CYC1: variants seen among roughly 807,000 people sequenced by gnomAD.
CYC1 encodes cytochrome c1, heme protein, mitochondrial.
CYC1 carries 10 observed loss-of-function variants against 33.8 expected under a neutral mutation model. That is an observed-to-expected ratio of 0.30 (90% CI 0.18 to 0.50). The LOEUF is 0.50. Ranked by LOEUF, CYC1 falls within the 20% of genes least tolerant of loss-of-function variation. CYC1 has a pLI of 0.98. For synonymous variants in CYC1, 224 were observed against 181.9 expected, an observed-to-expected ratio of 1.23 and a Z score of -1.86; for missense variants, 459 against 437.6, an observed-to-expected ratio of 1.05 and a Z score of -0.44.
rs569044083 is a variant in CYC1 at position 144,097,519 on chromosome 8, C to T, written c.*183C>T. ...CATCATGGGAATAAATTAATTTTCT[C>T]AATGTACATATTTGAGTTATTATAT... On this transcript the variant is annotated 3_prime_UTR_variant, in exon 7 of 7. Coordinates refer to ENST00000318911, the MANE Select transcript of CYC1 (RefSeq NM_001916.5). 1 of 594,050 alleles carries T rather than the reference C, an allele frequency of 1.7e-6. No individual in the cohort carries two copies. Among genetic ancestry groups the T allele is most frequent in the East Asian group, 2.8e-5 (1 of 35,686 alleles). The allele number at this position is 594,050 out of a possible 1,614,324, so 36.8% of individuals were successfully genotyped here.
chr8:144,097,353 C>T lies in CYC1; in HGVS notation c.*17C>T. The T allele has an allele frequency of 1.2e-6, 2 of 1,607,076 alleles. No individual in the cohort carries two copies. Among genetic ancestry groups the T allele is most frequent in the Non-Finnish European group, 1.7e-6 (2 of 1,174,444 alleles). On this transcript the variant is annotated 3_prime_UTR_variant, in exon 7 of 7. Transcript: ENST00000318911. ...CCCAAGTGACCCTGTCCAGTGTCTG[C>T]TTGCCATCCTGCCAGAACAGGCCCT...
In CYC1 at chr8:144,097,493, C is replaced by T; in HGVS notation, c.*157C>T. The T allele has an allele frequency of 1.6e-6, 1 of 609,260 alleles. No individual in the cohort carries two copies. 37.7% of individuals were successfully genotyped at this position (609,260 alleles called of 1,614,324 possible). A position where few individuals can be genotyped will look rare whatever the true frequency, so the allele number is the denominator to read the frequency against. On this transcript the variant is annotated 3_prime_UTR_variant, in exon 7 of 7. Transcript: ENST00000318911. ...CTAGCTCTGGGCCCTCCTTCAGCCC[C>T]CATCATGGGAATAAATTAATTTTCT...
chr8:144,095,544 A>T (rs1836132263), intron 1 of CYC1: 2 of 494,196 alleles, frequency 4.0e-6, no homozygotes, highest in Non-Finnish European at 7.1e-6. Context: ...CGCGTCCTGA[A>T]GTGACCCCAG....
intron 1 of CYC1, 109 bp from the exon 2 acceptor site, chr8:144,095,724 G>C: frequency 8.6e-7 from 1 of 1,164,976 alleles, no homozygotes; most frequent in Non-Finnish European, 1.2e-6. Flanking sequence ...TGTGCGTCTG[G>C]TGCCCTGCAG....
At position 144,095,170 on chromosome 8, in the gene CYC1, GT is replaced by G; in HGVS notation, c.72del (p.Ala25ProfsTer35). 8.3e-7 allele frequency: 1 copy of G among 1,209,286 alleles called. No homozygotes were observed. Among genetic ancestry groups the G allele is most frequent in the Non-Finnish European group, 1.0e-6 (1 of 972,836 alleles). The allele number at this position is 1,209,286 out of a possible 1,614,324, so 74.9% of individuals were successfully genotyped here. A position where few individuals can be genotyped will look rare whatever the true frequency, so the allele number is the denominator to read the frequency against. ...CGGGGCGCGGGGCTCCCGGGCGCGC[GT>G]GCCCGGGGTCTGCTGTGCAGCGCGC... ...GPRGAGLPGA[R>X]ARGLLCSARP... On this transcript the variant is annotated frameshift_variant, in exon 1 of 7. Transcript: ENST00000318911. LOFTEE classifies it high-confidence loss of function.
Position 144,097,505 on chromosome 8 carries a change from T to C in CYC1, c.*169T>C. 1.7e-6 allele frequency: 1 copy of C among 601,650 alleles called. No individual in the cohort carries two copies. The highest frequency in any genetic ancestry group is 2.0e-5 in the South Asian group (1 of 50,426). The allele number at this position is 601,650 out of a possible 1,614,324, so 37.3% of individuals were successfully genotyped here. Reference sequence around the variant, plus strand: ...CCTCCTTCAGCCCCCATCATGGGAATAAATTAATTTTCTCAATGTACATAT... The same window carrying C: ...CCTCCTTCAGCCCCCATCATGGGAACAAATTAATTTTCTCAATGTACATAT... On this transcript the variant is annotated 3_prime_UTR_variant, in exon 7 of 7. Coordinates refer to ENST00000318911, the MANE Select transcript of CYC1 (RefSeq NM_001916.5).
Position 144,096,254 on chromosome 8 carries a change from T to G in CYC1, c.453+4T>G, listed in dbSNP as rs1341075265. 2.5e-6 allele frequency: 4 copies of G among 1,613,414 alleles called. No individual in the cohort carries two copies. Among genetic ancestry groups the G allele is most frequent in the African/African-American group, 1.3e-5 (1 of 74,756 alleles). ...AGCTAAGGAGCTGGCTGCGGAGGTGTGGGGTCTGGGGATGCCTGGGACCCA... is the reference window on the plus strand; with the variant it reads ...AGCTAAGGAGCTGGCTGCGGAGGTGGGGGGTCTGGGGATGCCTGGGACCCA... On this transcript the variant is annotated splice_donor_region_variant and intron_variant, in intron 3 of 6. Transcript: ENST00000318911.
At position 144,095,910 on chromosome 8, in the gene CYC1, A is replaced by G; in HGVS notation, c.207A>G (p.Ala69=). 6.2e-7 allele frequency: 1 copy of G among 1,609,270 alleles called. No homozygotes were observed. Among genetic ancestry groups the G allele is most frequent in the Non-Finnish European group, 8.5e-7 (1 of 1,179,834 alleles). The change falls in exon 2 of 7, where the codon GCA becomes GCG. Residue 69 remains alanine, a synonymous_variant. Coordinates refer to ENST00000318911, the MANE Select transcript of CYC1 (RefSeq NM_001916.5). ...TGTCAGCGCTGGGCATGCTGGCGGC[A>G]GGGGGTGCGGGGCTGGCCATGGCTC... ...VMLSALGMLA[A]GGAGLAMALH...
rs758350634 is a variant in CYC1, at chr8:144,096,009, C to G, written c.306C>G (p.Leu102=). The G allele has an allele frequency of 2.5e-6, 4 of 1,605,082 alleles. No individual in the cohort carries two copies. The highest frequency in any genetic ancestry group is 2.2e-5 in the East Asian group (1 of 44,856). ...PSYPWSHRGL[L]SSLDHTSIRR... is the part of the protein sequence containing the mutation. ...ATCCGTGGTCTCACCGTGGCCTCCT[C>G]TCTTCCTTGGACCACACCAGGTGTG... The change falls in exon 2 of 7, where the codon CTC becomes CTG. Residue 102 remains leucine (L), a synonymous_variant. Coordinates refer to ENST00000318911, the MANE Select transcript of CYC1 (RefSeq NM_001916.5).
chr8:144,095,711 G>A lies in CYC1; in HGVS notation c.130-122G>A, dbSNP rs542595209. On this transcript the variant is annotated intron_variant, in intron 1 of 6. Transcript: ENST00000318911. ...GAGGGATGGGGTGGGTAGTGGGACAGGGTGTGCGTCTGGTGCCCTGCAGGA... is the reference window on the plus strand; with the variant it reads ...GAGGGATGGGGTGGGTAGTGGGACAAGGTGTGCGTCTGGTGCCCTGCAGGA... The A allele has an allele frequency of 2.3e-4, 228 of 1,000,128 alleles. 1 individual carries two copies. In the Middle Eastern group the frequency reaches 2.5e-3, roughly 11 times the overall value. 62.0% of individuals were successfully genotyped at this position (1,000,128 alleles called of 1,614,324 possible). A position where few individuals can be genotyped will look rare whatever the true frequency, so the allele number is the denominator to read the frequency against.
rs2230226 is a variant in CYC1 at position 144,095,962 on chromosome 8, C to G, written c.259C>G (p.Leu87Val). Residue 87 changes from leucine to valine, a missense_variant, in exon 2 of 7, where the codon CTG becomes GTG. Coordinates refer to ENST00000318911, the MANE Select transcript of CYC1 (RefSeq NM_001916.5). Reference protein sequence around the residue: ...ALHSAVSASDLELHPPSYPWS... With the variant: ...ALHSAVSASDVELHPPSYPWS... ...GCATTCGGCTGTGAGTGCCAGTGAC[C>G]TGGAGCTGCACCCCCCCAGCTATCC... 7.1e-5 allele frequency: 114 copies of G among 1,608,130 alleles called. No homozygotes were observed. The highest frequency in any genetic ancestry group is 9.5e-5 in the Non-Finnish European group (112 of 1,179,758).
At chr8:144,095,762 G>C (rs767222286) in intron 1 of CYC1, 71 bp from the exon 2 acceptor site, 20 of 1,534,844 alleles carry the variant, frequency 1.3e-5, no homozygotes, top group Non-Finnish European at 1.8e-5. Flanking sequence ...GTGGAGAGGT[G>C]GGCGCTGAGA....
chr8:144,096,277 C>CCAGGGCT (rs776229769), intron 3 of CYC1, 27 bp downstream of exon 3: 1 of 1,613,056 alleles, frequency 6.2e-7, no homozygotes, highest in East Asian at 2.2e-5. Context: ...TGCCTGGGAC[C>CCAGGGCT]CAGGGCTCAG....
chr8:144,096,937 G>A, intron 5 of CYC1, 97 bp from the exon 6 acceptor site: 1 of 1,229,944 alleles, frequency 8.1e-7, no homozygotes, highest in Non-Finnish European at 1.2e-6. Flanking sequence ...CCCCTTTGAT[G>A]CCTTGGGTAG....
At chr8:144,096,531 G>T in intron 4 of CYC1, 37 bp downstream of exon 4, 2 of 1,614,038 alleles carry the variant, frequency 1.2e-6, no homozygotes, top group Non-Finnish European at 1.7e-6. Flanking sequence ...CTGGAGAGAT[G>T]GGGGAAGGGC....
At chr8:144,095,809 A>C (rs1451271622) in intron 1 of CYC1, 24 bp from the exon 2 acceptor site, 3 of 1,600,024 alleles carry the variant, frequency 1.9e-6, no homozygotes, top group Middle Eastern at 1.9e-4. Flanking sequence ...GTGTCCTGGC[A>C]GGCGCTGAGC....
Position 144,096,509 on chromosome 8 carries a change from C to T in CYC1, c.611+15C>T, listed in dbSNP as rs200064555. The stretch of plus-strand genomic sequence containing the variant: ...GTGCGAGCTAGGTACACGGGCTGCC[C>T]ATGGGGTGGTGCTGGAGAGATGGGG... On this transcript the variant is annotated intron_variant, in intron 4 of 6. Transcript: ENST00000318911. 181 of 1,613,972 alleles carry T rather than the reference C, an allele frequency of 1.1e-4. No homozygotes were observed. The highest frequency in any genetic ancestry group is 8.7e-4 in the Admixed American group (52 of 59,998).
At position 144,096,671 on chromosome 8, in the gene CYC1, C is replaced by A; in HGVS notation, c.699C>A (p.Phe233Leu). The change falls in exon 5 of 7, where the codon TTC becomes TTA. Residue 233 changes from phenylalanine to leucine, a missense_variant. Coordinates refer to ENST00000318911, the MANE Select transcript of CYC1 (RefSeq NM_001916.5). Reference sequence around the variant, plus strand: ...TGTCACTGCGGGAAGGTCTCTACTTCAACCCCTACTTTCCTGGCCAGGCCA... The same window carrying A: ...TGTCACTGCGGGAAGGTCTCTACTTAAACCCCTACTTTCCTGGCCAGGCCA... ...TGVSLREGLY[F>L]NPYFPGQAIA... 3.1e-6 allele frequency: 5 copies of A among 1,613,538 alleles called. No individual in the cohort carries two copies. Among genetic ancestry groups the A allele is most frequent in the Non-Finnish European group, 4.2e-6 (5 of 1,179,872 alleles).
chr8:144,095,396 C>T, intron 1 of CYC1, 168 bp downstream of exon 1: 1 of 548,564 alleles, frequency 1.8e-6, no homozygotes, highest in Non-Finnish European at 2.7e-6. Context: ...CAGGGCTGGG[C>T]GCCCACCTCT....
Sources: allele counts gnomAD v4.1 joint callset, GRCh38; gene constraint gnomAD v4.1.1; transcripts MANE v1.5; gene names NCBI Gene and HGNC (gene_info 2026-07-23, HGNC 2026-07-21).